The following STK32B variants were observed in gnomAD, a reference collection of about 807,000 sequenced individuals.
STK32B encodes serine/threonine-protein kinase 32B.
In STK32B, 43 loss-of-function variants were observed where a neutral mutation model predicts 52.6. The observed-to-expected ratio is 0.82, with a 90% CI of 0.64 to 1.05. The LOEUF is 1.05. STK32B is among the 50% of genes least tolerant of loss of function. STK32B has a pLI of 0.00. For missense variants in STK32B, 621 were observed against 534.6 expected (o/e 1.16, Z -1.59); for synonymous variants, 238 against 204.3 (o/e 1.17, Z -1.41).
At chr4:5,264,132 C>T (rs1333219085) in intron 3 of STK32B, among the ~76,000 whole-genome samples, 6 of 152,082 alleles carry the variant, frequency 3.9e-5, no homozygotes, top group African/African-American at 9.7e-5. Context: ...TTCCTGTGTA[C>T]GTGATTTTGT....
chr4:5,172,084 T>C (rs1488177365), intron 3 of STK32B, among the ~76,000 whole-genome samples: 1 of 149,928 alleles, frequency 6.7e-6, no homozygotes, highest in Non-Finnish European at 1.5e-5. Flanking sequence ...AGAATGGGAG[T>C]TAACTCATGA....
At chr4:5,022,510 C>T in the STK32B span, among the ~76,000 whole-genome samples, 1 of 152,234 alleles carries the variant, frequency 6.6e-6, no homozygotes, top group East Asian at 1.9e-4. Flanking sequence ...CTTTCTCTGC[C>T]CCCTTCTGAG....
intron 4 of STK32B, among the ~76,000 whole-genome samples, chr4:5,365,089 T>TG (rs1396653858): frequency 6.6e-6 from 1 of 152,110 alleles, no homozygotes; most frequent in African/African-American, 2.4e-5. Flanking sequence ...TTGGCCTGGC[T>TG]GGTCTCAAAC....
chr4:5,367,225 C>T (rs1190893472), intron 4 of STK32B, among the ~76,000 whole-genome samples: 2 of 152,096 alleles, frequency 1.3e-5, no homozygotes, highest in African/African-American at 2.4e-5. Context: ...AGTGAAAGGT[C>T]GGTTAGCCTC....
At chr4:5,031,316 G>A in the STK32B span, among the ~76,000 whole-genome samples, 71 of 152,242 alleles carry the variant, frequency 4.7e-4, no homozygotes, top group African/African-American at 1.1e-3. Context: ...TCACACTGTC[G>A]GACTCTGGGC....
At chr4:5,070,674 A>G (rs1711711103) in intron 1 of STK32B, among the ~76,000 whole-genome samples, 1 of 151,204 alleles carries the variant, frequency 6.6e-6, no homozygotes, top group South Asian at 2.1e-4. Flanking sequence ...GGACACAAAG[A>G]CACAAGTAAG....
the STK32B span, among the ~76,000 whole-genome samples, chr4:5,042,279 T>C: frequency 2.0e-5 from 3 of 152,234 alleles, no homozygotes; most frequent in Non-Finnish European, 2.9e-5. Context: ...GATCTCTCCA[T>C]AGTCTACGTT....
chr4:5,132,899 G>A (rs6842014), intron 1 of STK32B, among the ~76,000 whole-genome samples: 124,478 of 151,882 alleles, frequency 0.82, 51,645 homozygotes, highest in South Asian at 0.89. Context: ...TCTGGGTTCA[G>A]GTGATTCTTC....
At chr4:5,244,413 G>T (rs1411333252) in intron 3 of STK32B, among the ~76,000 whole-genome samples, 3 of 152,096 alleles carry the variant, frequency 2.0e-5, no homozygotes, top group East Asian at 3.9e-4. Context: ...CTGTGGGATT[G>T]GTGGTGATAT....
intron 3 of STK32B, among the ~76,000 whole-genome samples, chr4:5,178,462 A>C (rs1312720311): frequency 6.6e-6 from 1 of 152,074 alleles, no homozygotes; most frequent in Non-Finnish European, 1.5e-5. Flanking sequence ...TCCTGGAGAC[A>C]TTTTCCCCAT....
At chr4:5,192,758 AATT>A (rs997621833) in intron 3 of STK32B, among the ~76,000 whole-genome samples, 93 of 147,712 alleles carry the variant, frequency 6.3e-4, no homozygotes, top group Middle Eastern at 7.0e-3. Context: ...ACTCTCGGCA[AATT>A]TCGAGTACAC....
intron 1 of STK32B, among the ~76,000 whole-genome samples, chr4:5,116,607 G>T (rs1414531874): frequency 6.6e-6 from 1 of 152,132 alleles, no homozygotes; most frequent in Non-Finnish European, 1.5e-5. Context: ...GTTCAAGGTT[G>T]CTTTAACTAG....
intron 3 of STK32B, among the ~76,000 whole-genome samples, chr4:5,245,147 CT>C (rs1300363008): frequency 6.6e-6 from 1 of 152,104 alleles, no homozygotes; most frequent in Non-Finnish European, 1.5e-5. Flanking sequence ...ACTTTTCTGT[CT>C]CGTTGATCTG....
At chr4:5,349,163 A>C (rs1733665842) in intron 4 of STK32B, among the ~76,000 whole-genome samples, 1 of 152,066 alleles carries the variant, frequency 6.6e-6, no homozygotes, top group Non-Finnish European at 1.5e-5. Context: ...AAAGCCACCT[A>C]GAGGTCCAAG....
intron 4 of STK32B, among the ~76,000 whole-genome samples, chr4:5,365,879 G>A (rs1425149095): frequency 2.6e-5 from 4 of 152,184 alleles, no homozygotes; most frequent in East Asian, 1.9e-4. Context: ...GGCCGAGGGC[G>A]TGGGATTTTA....
chr4:5,194,571 T>A (rs1721494066), intron 3 of STK32B, among the ~76,000 whole-genome samples: 1 of 152,234 alleles, frequency 6.6e-6, no homozygotes, highest in African/African-American at 2.4e-5. Context: ...AATGCGTCGA[T>A]CTTAGGAATT....
intron 1 of STK32B, among the ~76,000 whole-genome samples, chr4:5,113,703 C>T (rs568274041): frequency 6.6e-6 from 1 of 152,300 alleles, no homozygotes; most frequent in Admixed American, 6.5e-5. Context: ...GCCTCCGCAG[C>T]CCCTCATGGT....
chr4:5,127,349 G>C (rs1361716148), intron 1 of STK32B, among the ~76,000 whole-genome samples: 2 of 152,210 alleles, frequency 1.3e-5, no homozygotes, highest in African/African-American at 4.8e-5. Flanking sequence ...TAACCAGGCA[G>C]CTCTTGAGTG....
chr4:5,262,781 G>T (rs1409681631), intron 3 of STK32B, among the ~76,000 whole-genome samples: 2 of 152,112 alleles, frequency 1.3e-5, no homozygotes, highest in African/African-American at 4.8e-5. Flanking sequence ...TGGCAGGAAA[G>T]ACACCATTAT....
Sources: gnomAD v4.1 joint callset for allele counts (sites outside exome capture counted in the v4.1 genomes callset) on GRCh38, gnomAD v4.1.1 for gene constraint, MANE v1.5 for transcripts, NCBI Gene and HGNC (gene_info 2026-07-23, HGNC 2026-07-21) for gene names.